TRAPPC9: variants seen among roughly 807,000 people sequenced by gnomAD.
TRAPPC9 encodes the protein trafficking protein particle complex subunit 9.
In TRAPPC9, 83 loss-of-function variants were observed where a neutral mutation model predicts 124.0. That is an observed-to-expected ratio of 0.67 (90% CI 0.56 to 0.80). TRAPPC9 has a LOEUF of 0.80. Among genes scored for constraint, TRAPPC9 ranks in the 30% least tolerant of loss-of-function variants. The pLI is 0.00. For missense variants in TRAPPC9, 1,302 were observed against 1,508.3 expected (o/e 0.86, Z 2.27); for synonymous variants, 638 against 617.5 (o/e 1.03, Z -0.49).
intron 7 of TRAPPC9, among the ~76,000 whole-genome samples, chr8:140,389,800 T>C (rs2068870551): frequency 1.7e-5 from 2 of 119,948 alleles, no homozygotes; most frequent in South Asian, 5.1e-4. Context: ...AAAAAGGATC[T>C]AAAATCAATT....
chr8:140,237,832 G>T (rs563209730), intron 16 of TRAPPC9, among the ~76,000 whole-genome samples: 2 of 152,184 alleles, frequency 1.3e-5, no homozygotes, highest in Admixed American at 6.5e-5. Context: ...TGGAAAAGGG[G>T]ACAAAATTAG....
chr8:139,912,424 A>T (rs1171387843), intron 19 of TRAPPC9, among the ~76,000 whole-genome samples: 1 of 92,724 alleles, frequency 1.1e-5, no homozygotes, highest in Non-Finnish European at 2.1e-5. Flanking sequence ...TTCCAAGTTT[A>T]AAAAAAATGA....
intron 17 of TRAPPC9, among the ~76,000 whole-genome samples, chr8:140,153,891 G>T (rs959353066): frequency 6.6e-6 from 1 of 152,016 alleles, no homozygotes; most frequent in Non-Finnish European, 1.5e-5. Flanking sequence ...GCTCTAACTG[G>T]CACCCAGAGC....
At chr8:139,988,380 T>C (rs1837392292) in intron 19 of TRAPPC9, among the ~76,000 whole-genome samples, 1 of 151,992 alleles carries the variant, frequency 6.6e-6, no homozygotes, top group Admixed American at 6.6e-5. Context: ...CCCCAAAGTG[T>C]TAGGATTACA....
intron 16 of TRAPPC9, among the ~76,000 whole-genome samples, chr8:140,245,901 AATCT>A (rs1217330436): frequency 6.6e-6 from 1 of 152,172 alleles, no homozygotes; most frequent in Non-Finnish European, 1.5e-5. Context: ...TCGACTCATT[AATCT>A]ATTAGGGATG....
intron 17 of TRAPPC9, among the ~76,000 whole-genome samples, chr8:140,174,062 G>A (rs552861907): frequency 6.6e-6 from 1 of 152,308 alleles, no homozygotes; most frequent in African/African-American, 2.4e-5. Flanking sequence ...AGTTTGGGGG[G>A]TAAAGGGCAA....
intron 17 of TRAPPC9, among the ~76,000 whole-genome samples, chr8:140,059,413 C>G (rs915548360): frequency 3.5e-4 from 53 of 152,314 alleles, no homozygotes; most frequent in African/African-American, 1.3e-3. Context: ...CAATGAACAT[C>G]AAAGTACAAG....
intron 21 of TRAPPC9, among the ~76,000 whole-genome samples, chr8:139,864,261 A>G (rs1828371284): frequency 6.6e-6 from 1 of 152,088 alleles, no homozygotes; most frequent in African/African-American, 2.4e-5. Context: ...TCTTATCTCT[A>G]CCAACAACAT....
At chr8:140,045,581 C>G (rs532906182) in intron 17 of TRAPPC9, among the ~76,000 whole-genome samples, 1 of 140,600 alleles carries the variant, frequency 7.1e-6, no homozygotes, top group Non-Finnish European at 1.5e-5. Context: ...GACCTGAGAT[C>G]GCGCCACTGC....
intron 19 of TRAPPC9, among the ~76,000 whole-genome samples, chr8:139,967,429 A>G (rs1835773886): frequency 6.6e-6 from 1 of 152,272 alleles, no homozygotes; most frequent in African/African-American, 2.4e-5. Flanking sequence ...ACAGAATGAT[A>G]CAGATCAGGG....
At chr8:139,743,331 C>A (rs1818681148) in intron 21 of TRAPPC9, among the ~76,000 whole-genome samples, 1 of 152,212 alleles carries the variant, frequency 6.6e-6, no homozygotes, top group African/African-American at 2.4e-5. Flanking sequence ...ACCTTTTGCG[C>A]TGGCGAGAAA....
At chr8:140,125,981 C>G (rs1255968275) in intron 17 of TRAPPC9, among the ~76,000 whole-genome samples, 2 of 151,950 alleles carry the variant, frequency 1.3e-5, no homozygotes, top group Non-Finnish European at 2.9e-5. Context: ...ACCGTGTTAG[C>G]CAGGATAGTC....
intron 21 of TRAPPC9, among the ~76,000 whole-genome samples, chr8:139,791,574 C>T (rs1412781189): frequency 1.3e-5 from 2 of 148,426 alleles, no homozygotes; most frequent in African/African-American, 4.9e-5. Flanking sequence ...CCCATCTCCC[C>T]TGCACAGACA....
At chr8:140,340,745 C>T (rs1233683744) in intron 9 of TRAPPC9, among the ~76,000 whole-genome samples, 2 of 152,228 alleles carry the variant, frequency 1.3e-5, no homozygotes, top group Non-Finnish European at 2.9e-5. Context: ...TCATCGTCCC[C>T]TTCCTACACA....
At chr8:139,838,236 G>A (rs1373742690) in intron 21 of TRAPPC9, among the ~76,000 whole-genome samples, 5 of 152,108 alleles carry the variant, frequency 3.3e-5, no homozygotes, top group Non-Finnish European at 7.4e-5. Flanking sequence ...CCTCCTCCAG[G>A]AGGCTTCCCC....
intron 5 of TRAPPC9, among the ~76,000 whole-genome samples, chr8:140,418,278 G>A (rs1478293764): frequency 6.6e-6 from 1 of 152,090 alleles, no homozygotes; most frequent in Admixed American, 6.6e-5. Flanking sequence ...AATATTTAAG[G>A]ACAAATTAAC....
intron 17 of TRAPPC9, among the ~76,000 whole-genome samples, chr8:140,185,142 C>A (rs1188618714): frequency 6.6e-6 from 1 of 152,194 alleles, no homozygotes; most frequent in African/African-American, 2.4e-5. Flanking sequence ...AGCCAGAGAC[C>A]ACCATGTACG....
At chr8:140,233,648 C>CACACACACACACACACAT (rs2063661166) in intron 16 of TRAPPC9, among the ~76,000 whole-genome samples, 2 of 146,462 alleles carry the variant, frequency 1.4e-5, no homozygotes, top group Non-Finnish European at 3.0e-5. Context: ...CACACACACA[C>CACACACACACACACACAT]ACATAAACAC....
intron 17 of TRAPPC9, among the ~76,000 whole-genome samples, chr8:140,129,818 T>C (rs1229678448): frequency 1.3e-5 from 2 of 152,090 alleles, no homozygotes; most frequent in Non-Finnish European, 2.9e-5. Flanking sequence ...TTGCGATGTA[T>C]AGAGATGGAT....
Sources: allele counts gnomAD v4.1 joint callset (sites outside exome capture counted in the v4.1 genomes callset), GRCh38; gene constraint gnomAD v4.1.1; transcripts MANE v1.5; gene names NCBI Gene and HGNC (gene_info 2026-07-23, HGNC 2026-07-21).